GRIN2A: variants seen among roughly 807,000 people sequenced by gnomAD.
GRIN2A encodes the protein glutamate ionotropic receptor NMDA type subunit 2A, also known as glutamate receptor ionotropic, NMDA 2A.
GRIN2A carries 22 observed loss-of-function variants against 113.4 expected under a neutral mutation model. That is an observed-to-expected ratio of 0.19 (90% CI 0.14 to 0.28). GRIN2A has a LOEUF of 0.28. Ranked by LOEUF, GRIN2A falls within the 10% of genes least tolerant of loss-of-function variation. The pLI, the probability that GRIN2A is intolerant of heterozygous loss-of-function variation, is 1.00. For missense variants in GRIN2A, 1,502 were observed against 1,887.0 expected (o/e 0.80, Z 3.78); for synonymous variants, 827 against 738.4 (o/e 1.12, Z -1.94).
intron 2 of GRIN2A, among the ~76,000 whole-genome samples, chr16:9,979,906 T>C (rs894081030): frequency 1.3e-5 from 2 of 150,350 alleles, no homozygotes; most frequent in Admixed American, 6.7e-5. Context: ...ACCCAAGATA[T>C]TTATATTATA....
intron 2 of GRIN2A, among the ~76,000 whole-genome samples, chr16:10,134,353 C>T (rs866041666): frequency 4.5e-4 from 69 of 152,174 alleles, no homozygotes; most frequent in African/African-American, 1.6e-3. Context: ...ATATGTGTTT[C>T]CAGCCTAAGA....
Position 9,798,598 on chromosome 16 carries a change from C to T in GRIN2A, c.2169-134G>A, listed in dbSNP as rs569173036. ...GATGATGACTCATGGCCTCTCCATC[C>T]CCTCATCATAAAAGGATCTATTTTT... On this transcript the variant is annotated intron_variant, in intron 10 of 12. Transcript: ENST00000330684. The T allele has an allele frequency of 2.3e-5, 15 of 646,308 alleles. No homozygotes were observed. The South Asian group carries it at 2.9e-4, about 12-fold the overall frequency. The allele number at this position is 646,308 out of a possible 1,614,324, so 40.0% of individuals were successfully genotyped here. A position where few individuals can be genotyped will look rare whatever the true frequency, so the allele number is the denominator to read the frequency against.
chr16:10,023,576 C>A (rs1208635717), intron 2 of GRIN2A, among the ~76,000 whole-genome samples: 2 of 152,144 alleles, frequency 1.3e-5, no homozygotes, highest in African/African-American at 4.8e-5. Flanking sequence ...TCCTCATTAA[C>A]TGGTGATGAA....
chr16:9,852,601 G>T (rs1032535466), intron 4 of GRIN2A, among the ~76,000 whole-genome samples: 1 of 152,170 alleles, frequency 6.6e-6, no homozygotes, highest in African/African-American at 2.4e-5. Context: ...ATGAGTGGTA[G>T]GTAGAGAGAA....
At chr16:9,980,773 G>A (rs1170934059) in intron 2 of GRIN2A, among the ~76,000 whole-genome samples, 2 of 147,400 alleles carry the variant, frequency 1.4e-5, no homozygotes, top group Non-Finnish European at 3.0e-5. Flanking sequence ...TCACTCATAG[G>A]TGGGAACTGA....
At chr16:10,106,532 G>C (rs896825853) in intron 2 of GRIN2A, among the ~76,000 whole-genome samples, 1 of 151,872 alleles carries the variant, frequency 6.6e-6, no homozygotes, top group Admixed American at 6.6e-5. Context: ...TCCTTCTCTG[G>C]GGATGATTCT....
chr16:9,952,283 G>C (rs1360741936), intron 2 of GRIN2A, among the ~76,000 whole-genome samples: 1 of 152,110 alleles, frequency 6.6e-6, no homozygotes, highest in Non-Finnish European at 1.5e-5. Flanking sequence ...GAGGGTGAAA[G>C]GGTTCCCAGT....
chr16:9,979,734 G>GA (rs1371989151), intron 2 of GRIN2A, among the ~76,000 whole-genome samples: 1 of 148,904 alleles, frequency 6.7e-6, no homozygotes, highest in Non-Finnish European at 1.5e-5. Flanking sequence ...GACTGTACTA[G>GA]AAAACGCTTG....
chr16:10,052,475 G>C (rs1199172458), intron 2 of GRIN2A, among the ~76,000 whole-genome samples: 1 of 152,182 alleles, frequency 6.6e-6, no homozygotes, highest in African/African-American at 2.4e-5. Flanking sequence ...AAGTCCCCAA[G>C]ACCTAGGCCC....
At chr16:9,844,205 G>A (rs2042730955) in intron 5 of GRIN2A, among the ~76,000 whole-genome samples, 2 of 152,090 alleles carry the variant, frequency 1.3e-5, no homozygotes, top group South Asian at 4.1e-4. Flanking sequence ...TGGTCTCCCT[G>A]GAAACCTCAG....
chr16:9,873,449 C>T (rs1435392142), intron 4 of GRIN2A, among the ~76,000 whole-genome samples: 1 of 151,992 alleles, frequency 6.6e-6, no homozygotes, highest in Non-Finnish European at 1.5e-5. Context: ...GCCTGTAATC[C>T]CAGCACTTTG....
intron 3 of GRIN2A, among the ~76,000 whole-genome samples, chr16:9,899,699 AG>A (rs1330638805): frequency 1.3e-5 from 2 of 152,144 alleles, no homozygotes; most frequent in Non-Finnish European, 2.9e-5. Context: ...TCTTAAGGGC[AG>A]GGGTCTTTGT....
rs976397958 is a variant in GRIN2A, at chr16:10,037,521, T to C, written c.415-98970A>G. ...TACTTAAAACCTGCTTAAAACACTT[T>C]AATGTTTCCCCTTCCCTAAGATAAA... On this transcript the variant is annotated intron_variant, in intron 2 of 12. Coordinates refer to ENST00000330684, the MANE Select transcript of GRIN2A (RefSeq NM_001134407.3). Among the ~76,000 whole-genome samples, 3 of 152,200 alleles carry C rather than the reference T, an allele frequency of 2.0e-5. No homozygotes were observed. In the East Asian group the frequency reaches 5.8e-4, roughly 29 times the overall value.
At chr16:9,814,308 G>GTAGT (rs1258063698) in intron 10 of GRIN2A, among the ~76,000 whole-genome samples, 1 of 152,210 alleles carries the variant, frequency 6.6e-6, no homozygotes, top group East Asian at 1.9e-4. Context: ...ATTCTGCAAT[G>GTAGT]TAGTTACTTA....
chr16:9,936,750 A>G (rs937943981), intron 3 of GRIN2A, among the ~76,000 whole-genome samples: 1 of 152,230 alleles, frequency 6.6e-6, no homozygotes, highest in African/African-American at 2.4e-5. Context: ...AATGGCCTAC[A>G]AAAATACTTA....
At chr16:9,770,700 G>C (rs7189899) in intron 11 of GRIN2A, among the ~76,000 whole-genome samples, 121,806 of 152,110 alleles carry the variant, frequency 0.8, 49,245 homozygotes, top group Middle Eastern at 0.89. Context: ...TGAATACTTA[G>C]AACTTTAGTT....
Position 9,757,213 on chromosome 16 carries a change from C to A in GRIN2A, c.*5936G>T. On this transcript the variant is annotated 3_prime_UTR_variant, in exon 13 of 13. Transcript: ENST00000330684. The stretch of plus-strand genomic sequence containing the variant: ...GGAACCAGACAAAAGCCTTCCTGTG[C>A]AAAAATGTAGGAGTGTGAGTGTGTT... The A allele has an allele frequency of 4.6e-6, 1 of 219,568 alleles. No individual in the cohort carries two copies. Among genetic ancestry groups the A allele is most frequent in the African/African-American group, 2.2e-5 (1 of 44,666 alleles). 13.6% of individuals were successfully genotyped at this position (219,568 alleles called of 1,614,324 possible).
intron 2 of GRIN2A, among the ~76,000 whole-genome samples, chr16:10,109,854 AAATATATACACCT>A (rs1223810309): frequency 7.9e-5 from 12 of 152,030 alleles, no homozygotes; most frequent in Non-Finnish European, 8.8e-5. Flanking sequence ...TGTACCCCAT[AAATATATACACCT>A]ACTATGTACC....
At chr16:9,958,692 A>G (rs2045361630) in intron 2 of GRIN2A, among the ~76,000 whole-genome samples, 1 of 152,128 alleles carries the variant, frequency 6.6e-6, no homozygotes, top group Non-Finnish European at 1.5e-5. Flanking sequence ...TTTCAGTTGC[A>G]TATATTCGTT....
Sources: allele counts gnomAD v4.1 joint callset (sites outside exome capture counted in the v4.1 genomes callset), GRCh38; gene constraint gnomAD v4.1.1; transcripts MANE v1.5; gene names NCBI Gene and HGNC (gene_info 2026-07-23, HGNC 2026-07-21).